Variants in TAS2R42 observed in about 807,000 individuals in gnomAD.
TAS2R42 encodes the protein taste receptor type 2 member 42.
For missense variants in TAS2R42, 356 were observed against 356.9 expected (o/e 1.00, Z 0.02); for synonymous variants, 138 against 133.0 (o/e 1.04, Z -0.26).
In TAS2R42 at chr12:11,186,538, G is replaced by C. The variant is rs1333124209; in HGVS notation, c.400C>G (p.Leu134Val). 1.9e-6 allele frequency: 3 copies of C among 1,613,712 alleles called. No homozygotes were observed. Among genetic ancestry groups the C allele is most frequent in the Non-Finnish European group, 2.5e-6 (3 of 1,179,888 alleles). Residue 134 changes from leucine (L) to valine (V), a missense_variant, in exon 1 of 1, where the codon CTT (leucine) becomes GTT (valine). Physicochemically the swap from Leu to Val is conservative, Grantham distance 32 (BLOSUM62 1). Coordinates refer to ENST00000334266, the MANE Select transcript of TAS2R42 (RefSeq NM_181429.2). ...WRMNGMIVML[L>V]ILSLFLLIFD... Reference sequence around the variant, plus strand: ...ATCAGTAAGAACAAAGACAATATAAGAAGCATAACAATCATTCCGTTCATC... The same window carrying C: ...ATCAGTAAGAACAAAGACAATATAACAAGCATAACAATCATTCCGTTCATC...
At position 11,186,401 on chromosome 12, in the gene TAS2R42, A is replaced by G. The variant is rs1948024859; in HGVS notation, c.537T>C (p.Ser179=). Reference sequence around the variant, plus strand: ...TCAAGCTGAGAAGAGTTTTTAAAATAGAGAGTTTATCATAGAGAGTTTTAC... The same window carrying G: ...TCAAGCTGAGAAGAGTTTTTAAAATGGAGAGTTTATCATAGAGAGTTTTAC... The part of the protein sequence containing the change: ...DESKTLYDKL[S]ILKTLLSLTS... The change falls in exon 1 of 1, where the codon TCT becomes TCC. Residue 179 remains serine, a synonymous_variant. Coordinates refer to ENST00000334266, the MANE Select transcript of TAS2R42 (RefSeq NM_181429.2). 1.9e-6 allele frequency: 3 copies of G among 1,607,362 alleles called. No homozygotes were observed. Among genetic ancestry groups the G allele is most frequent in the South Asian group, 1.1e-5 (1 of 90,726 alleles).
chr12:11,186,301 T>TTCTAGTATGTCTCTAGTATG, the TAS2R42 span: 1 of 1,613,968 alleles, frequency 6.2e-7, no homozygotes, highest in African/African-American at 1.3e-5. Context: ...AGCTTCAAAT[T>TTCTAGTATGTCTCTAGTATG]TCTAGTATGT....
Position 11,186,585 on chromosome 12 carries a change from AGGG to A in TAS2R42, c.350_352del (p.Ser117_Leu118delinsPhe). 2.5e-6 allele frequency: 4 copies of A among 1,613,982 alleles called. No individual in the cohort carries two copies. The highest frequency in any genetic ancestry group is 3.4e-6 in the Non-Finnish European group (4 of 1,179,978). ...CATCCTCCACCTCAGCCAGAGGAAAAGGGAGTGGGGGAAGTGGGCTATCTTAAA... is the reference window on the plus strand; with the variant it reads ...CATCCTCCACCTCAGCCAGAGGAAAAAGTGGGGGAAGTGGGCTATCTTAAA... On this transcript the variant is annotated inframe_deletion, in exon 1 of 1. Transcript: ENST00000334266.
rs1471984103 is a variant in TAS2R42 at position 11,186,001 on chromosome 12, G to T, written c.937C>A (p.Pro313Thr). ...RNYTKTPNPLPL is the reference protein window; with the variant it reads ...RNYTKTPNPLTL The stretch of plus-strand genomic sequence containing the variant: ...GCTTCTGTAAAGTCTGTCTACAAAG[G>T]TAAAGGGTTTGGTGTTTTTGTATAG... Residue 313 changes from proline to threonine, a missense_variant, in exon 1 of 1, where the codon CCT becomes ACT. By Grantham distance (38) the Pro-to-Thr change is conservative (BLOSUM62 -1). Coordinates refer to ENST00000334266, the MANE Select transcript of TAS2R42 (RefSeq NM_181429.2). 1 of 1,595,942 alleles carries T rather than the reference G, an allele frequency of 6.3e-7. No homozygotes were observed. The highest frequency in any genetic ancestry group is 1.4e-5 in the African/African-American group (1 of 73,992).
rs745817278 is a variant in TAS2R42, at chr12:11,186,878, G to T, written c.60C>A (p.Ser20Arg). The T allele has an allele frequency of 6.2e-7, 1 of 1,613,876 alleles. No individual in the cohort carries two copies. The highest frequency in any genetic ancestry group is 8.5e-7 in the Non-Finnish European group (1 of 1,179,934). The change falls in exon 1 of 1, where the codon AGC becomes AGA. Residue 20 changes from serine to arginine, a missense_variant. Ser to Arg is a moderately radical substitution (Grantham distance 110, BLOSUM62 -1). Coordinates refer to ENST00000334266, the MANE Select transcript of TAS2R42 (RefSeq NM_181429.2). ...GTCCAATGAACACATTCCCCAGCAT[G>T]CTGATGATGAATTCTGCTATTGCCA... ...LILAIAEFIISMLGNVFIGLV... is the reference protein window; with the variant it reads ...LILAIAEFIIRMLGNVFIGLV...
Position 11,186,427 on chromosome 12 carries a change from T to G in TAS2R42, c.511A>C (p.Ser171Arg). ...GAGAGTTTATCATAGAGAGTTTTACTTTCATCTAAATATAAAGTCAGATTA... is the reference window on the plus strand; with the variant it reads ...GAGAGTTTATCATAGAGAGTTTTACGTTCATCTAAATATAAAGTCAGATTA... ...KSNLTLYLDE[S>R]KTLYDKLSIL... The change falls in exon 1 of 1, where the codon AGT becomes CGT. Residue 171 changes from serine (S) to arginine (R), a missense_variant. Physicochemically the swap from Ser to Arg is moderately radical, Grantham distance 110 (BLOSUM62 -1). Transcript: ENST00000334266. The G allele has an allele frequency of 6.2e-7, 1 of 1,604,654 alleles. No individual in the cohort carries two copies. Among genetic ancestry groups the G allele is most frequent in the Non-Finnish European group, 8.5e-7 (1 of 1,174,826 alleles).
At position 11,186,850 on chromosome 12, in the gene TAS2R42, C is replaced by T. The variant is rs1035852837; in HGVS notation, c.88G>A (p.Val30Ile). The part of the protein sequence containing the change: ...SMLGNVFIGL[V>I]NCSEGIKNQK... Reference sequence around the variant, plus strand: ...TTCTTGATCCCTTCAGAGCAGTTTACCAGTCCAATGAACACATTCCCCAGC... The same window carrying T: ...TTCTTGATCCCTTCAGAGCAGTTTATCAGTCCAATGAACACATTCCCCAGC... Residue 30 changes from valine to isoleucine, a missense_variant, in exon 1 of 1, where the codon GTA becomes ATA. Transcript: ENST00000334266. 3 of 1,614,044 alleles carry T rather than the reference C, an allele frequency of 1.9e-6. No individual in the cohort carries two copies. Among genetic ancestry groups the T allele is most frequent in the Middle Eastern group, 1.6e-4 (1 of 6,062 alleles).
Position 11,186,727 on chromosome 12 carries a change from G to C in TAS2R42, c.211C>G (p.Leu71Val), listed in dbSNP as rs1201531006. 6.2e-7 allele frequency: 1 copy of C among 1,614,098 alleles called. No individual in the cohort carries two copies. Among genetic ancestry groups the C allele is most frequent in the Non-Finnish European group, 8.5e-7 (1 of 1,180,004 alleles). ...VILFDSFLVG[L>V]ASHLYTTYRL... ...TATGTGGTATATAAATGTGAAGCAA[G>C]TCCCACTAGAAATGAATCAAACAGT... The change falls in exon 1 of 1, where the codon CTT (leucine) becomes GTT (valine). Residue 71 changes from leucine to valine, a missense_variant. Coordinates refer to ENST00000334266, the MANE Select transcript of TAS2R42 (RefSeq NM_181429.2).
In TAS2R42 at chr12:11,186,439, A is replaced by G; in HGVS notation, c.499T>C (p.Tyr167His). 1 of 1,604,324 alleles carries G rather than the reference A, an allele frequency of 6.2e-7. No homozygotes were observed. The highest frequency in any genetic ancestry group is 8.5e-7 in the Non-Finnish European group (1 of 1,174,748). The change falls in exon 1 of 1, where the codon TAT becomes CAT. Residue 167 changes from tyrosine (Y) to histidine (H), a missense_variant. Transcript: ENST00000334266. ...TAGAGAGTTTTACTTTCATCTAAAT[A>G]TAAAGTCAGATTACTTTTATCTATT... ...NIIDKSNLTL[Y>H]LDESKTLYDK...
rs762237499 is a variant in TAS2R42 at position 11,186,364 on chromosome 12, G to C, written c.574C>G (p.Pro192Ala). The C allele has an allele frequency of 3.4e-5, 55 of 1,611,106 alleles. No homozygotes were observed. The highest frequency in any genetic ancestry group is 4.2e-5 in the Non-Finnish European group (49 of 1,177,758). ...AAGGAGGTCAGGAACAGAGAAAAGG[G>C]GATAAAACTGGTCAAGCTGAGAAGA... ...KTLLSLTSFI[P>A]FSLFLTSLLF... The change falls in exon 1 of 1, where the codon CCC becomes GCC. Residue 192 changes from proline (P) to alanine (A), a missense_variant. Pro to Ala is a conservative substitution (Grantham distance 27). Coordinates refer to ENST00000334266, the MANE Select transcript of TAS2R42 (RefSeq NM_181429.2).
In TAS2R42 at chr12:11,186,399, A is replaced by G. The variant is rs142294487; in HGVS notation, c.539T>C (p.Ile180Thr). Reference protein sequence around the residue: ...ESKTLYDKLSILKTLLSLTSF... With the variant: ...ESKTLYDKLSTLKTLLSLTSF... ...GGTCAAGCTGAGAAGAGTTTTTAAA[A>G]TAGAGAGTTTATCATAGAGAGTTTT... The change falls in exon 1 of 1, where the codon ATT (isoleucine) becomes ACT (threonine). Residue 180 changes from isoleucine to threonine, a missense_variant. Physicochemically the swap from Ile to Thr is moderately conservative, Grantham distance 89 (BLOSUM62 -1). Coordinates refer to ENST00000334266, the MANE Select transcript of TAS2R42 (RefSeq NM_181429.2). The G allele has an allele frequency of 3.7e-6, 6 of 1,607,760 alleles. No individual in the cohort carries two copies. Among genetic ancestry groups the G allele is most frequent in the Non-Finnish European group, 5.1e-6 (6 of 1,175,862 alleles).
In TAS2R42 at chr12:11,186,626, G is replaced by A. The variant is rs1456889137; in HGVS notation, c.312C>T (p.Ser104=). The change falls in exon 1 of 1, where the codon AGC becomes AGT. Residue 104 remains serine, a synonymous_variant. Coordinates refer to ENST00000334266, the MANE Select transcript of TAS2R42 (RefSeq NM_181429.2). ...HLTTWLATCL[S]IFYFFKIAHF... is the part of the protein sequence containing the mutation. Reference sequence around the variant, plus strand: ...GGGCTATCTTAAAGAAATAGAAAATGCTTAGGCAGGTGGCAAGCCAGGTTG... The same window carrying A: ...GGGCTATCTTAAAGAAATAGAAAATACTTAGGCAGGTGGCAAGCCAGGTTG... The A allele has an allele frequency of 3.7e-6, 6 of 1,613,946 alleles. No individual in the cohort carries two copies. The highest frequency in any genetic ancestry group is 1.3e-5 in the African/African-American group (1 of 74,906).
Position 11,186,029 on chromosome 12 carries a change from C to T in TAS2R42, c.909G>A (p.Arg303=), listed in dbSNP as rs779723511. 3.7e-5 allele frequency: 59 copies of T among 1,612,442 alleles called. No individual in the cohort carries two copies. The highest frequency in any genetic ancestry group is 4.7e-5 in the Non-Finnish European group (55 of 1,179,390). ...AAGGGTTTGGTGTTTTTGTATAGTT[C>T]CTAAGATGCCACAGTAGCCTCACAG... is the stretch of plus-strand genomic sequence containing the variant. ...QTAVRLLWHL[R]NYTKTPNPLP... Residue 303 remains arginine (R), a synonymous_variant, in exon 1 of 1, where the codon AGG becomes AGA. Transcript: ENST00000334266.
chr12:11,186,781 T>C lies in TAS2R42; in HGVS notation c.157A>G (p.Ile53Val), dbSNP rs149891922. ...SADFILTCLA[I>V]STIGQLLVIL... is the part of the protein sequence containing the mutation. ...ACCAACAGTTGTCCAATTGTGGAGA[T>C]AGCCAAGCAGGTGAGGATGAAGTCA... Residue 53 changes from isoleucine (I) to valine (V), a missense_variant, in exon 1 of 1, where the codon ATC becomes GTC. Coordinates refer to ENST00000334266, the MANE Select transcript of TAS2R42 (RefSeq NM_181429.2). 14 of 1,614,094 alleles carry C rather than the reference T, an allele frequency of 8.7e-6. No homozygotes were observed. In the East Asian group the frequency reaches 8.9e-5, roughly 10 times the overall value.
Position 11,186,849 on chromosome 12 carries a change from A to G in TAS2R42, c.89T>C (p.Val30Ala). Residue 30 changes from valine to alanine, a missense_variant, in exon 1 of 1, where the codon GTA becomes GCA. Transcript: ENST00000334266. ...SMLGNVFIGL[V>A]NCSEGIKNQK... ...GTTCTTGATCCCTTCAGAGCAGTTT[A>G]CCAGTCCAATGAACACATTCCCCAG... 6.2e-7 allele frequency: 1 copy of G among 1,614,082 alleles called. No homozygotes were observed. Among genetic ancestry groups the G allele is most frequent in the South Asian group, 1.1e-5 (1 of 91,076 alleles).
rs1296577608 is a variant in TAS2R42, at chr12:11,186,402, G to C, written c.536C>G (p.Ser179Cys). 1.2e-6 allele frequency: 2 copies of C among 1,607,334 alleles called. No homozygotes were observed. The highest frequency in any genetic ancestry group is 3.4e-5 in the Admixed American group (2 of 59,234). The change falls in exon 1 of 1, where the codon TCT becomes TGT. Residue 179 changes from serine to cysteine, a missense_variant. Coordinates refer to ENST00000334266, the MANE Select transcript of TAS2R42 (RefSeq NM_181429.2). ...DESKTLYDKL[S>C]ILKTLLSLTS... is the part of the protein sequence containing the mutation. ...CAAGCTGAGAAGAGTTTTTAAAATA[G>C]AGAGTTTATCATAGAGAGTTTTACT...
rs1948027171 is a variant in TAS2R42, at chr12:11,186,517, G to T, written c.421C>A (p.Leu141Met). ...VMLLILSLFL[L>M]IFDSLVLEIF... ...TCTAGCACTAAACTGTCAAAAATCA[G>T]TAAGAACAAAGACAATATAAGAAGC... is the stretch of plus-strand genomic sequence containing the variant. Residue 141 changes from leucine (L) to methionine (M), a missense_variant, in exon 1 of 1, where the codon CTG (leucine) becomes ATG (methionine). Coordinates refer to ENST00000334266, the MANE Select transcript of TAS2R42 (RefSeq NM_181429.2). 1 of 1,613,656 alleles carries T rather than the reference G, an allele frequency of 6.2e-7. No individual in the cohort carries two copies. The highest frequency in any genetic ancestry group is 2.2e-5 in the East Asian group (1 of 44,842).
chr12:11,186,900 G>T lies in TAS2R42; in HGVS notation c.38C>A (p.Ala13Glu). The stretch of plus-strand genomic sequence containing the variant: ...CATGCTGATGATGAATTCTGCTATT[G>T]CCAGAATCAGAAAGATTTTGTCCAA... The part of the protein sequence containing the change: ...TELDKIFLIL[A>E]IAEFIISMLG... Residue 13 changes from alanine to glutamate, a missense_variant, in exon 1 of 1, where the codon GCA becomes GAA. Physicochemically the swap from Ala to Glu is moderately radical, Grantham distance 107. Coordinates refer to ENST00000334266, the MANE Select transcript of TAS2R42 (RefSeq NM_181429.2). The T allele has an allele frequency of 6.2e-7, 1 of 1,613,084 alleles. No homozygotes were observed. The highest frequency in any genetic ancestry group is 1.3e-5 in the African/African-American group (1 of 74,882).
In TAS2R42 at chr12:11,186,063, T is replaced by G. The variant is rs1669412; in HGVS notation, c.875A>C (p.Gln292Pro). The G allele has an allele frequency of 6.2e-7, 1 of 1,613,718 alleles. No individual in the cohort carries two copies. The highest frequency in any genetic ancestry group is 8.5e-7 in the Non-Finnish European group (1 of 1,179,812). The change falls in exon 1 of 1, where the codon CAA becomes CCA. Residue 292 changes from glutamine (Q) to proline (P), a missense_variant. By Grantham distance (76) the Gln-to-Pro change is moderately conservative (BLOSUM62 -1). Coordinates refer to ENST00000334266, the MANE Select transcript of TAS2R42 (RefSeq NM_181429.2). ...FILILGNSKL[Q>P]QTAVRLLWHL... is the part of the protein sequence containing the mutation. ...CCACAGTAGCCTCACAGCTGTCTGT[T>G]GCAGCTTGCTGTTTCCCAGAATGAG... is the stretch of plus-strand genomic sequence containing the variant.
Sources: allele counts gnomAD v4.1 joint callset, GRCh38; gene constraint gnomAD v4.1.1; transcripts MANE v1.5; gene names NCBI Gene and HGNC (gene_info 2026-07-23, HGNC 2026-07-21).